HSH2D: variants seen among roughly 807,000 people sequenced by gnomAD.
HSH2D encodes hematopoietic SH2 domain-containing protein.
In HSH2D, 16 loss-of-function variants were observed where a neutral mutation model predicts 21.5. That is an observed-to-expected ratio of 0.74 (90% CI 0.50 to 1.13). The LOEUF (loss-of-function observed/expected upper bound fraction) is 1.13. HSH2D is among the 50% of genes most tolerant of loss of function. HSH2D has a pLI of 0.00. For synonymous variants in HSH2D, 172 were observed against 184.7 expected, an observed-to-expected ratio of 0.93 and a Z score of 0.56; for missense variants, 418 against 441.4, an observed-to-expected ratio of 0.95 and a Z score of 0.47.
chr19:16,135,145 G>A (rs979163320), intron 1 of HSH2D, among the ~76,000 whole-genome samples: 3 of 151,994 alleles, frequency 2.0e-5, no homozygotes, highest in Admixed American at 1.3e-4. Context: ...GGTTGCACGC[G>A]CCTGTAGTCC....
Position 16,148,814 on chromosome 19 carries a change from C to A in HSH2D, c.64C>A (p.Gln22Lys). ...PPRLDWFVHT[Q>K]MGQLAQDGVP... ...ACGGCTGGACTGGTTTGTGCACACC[C>A]AGATGGGCCAGCTGGCCCAAGACGG... The change falls in exon 2 of 6, where the codon CAG becomes AAG. Residue 22 changes from glutamine (Q) to lysine (K), a missense_variant. By Grantham distance (53) the Gln-to-Lys change is moderately conservative. Transcript: ENST00000613986. 1 of 1,613,860 alleles carries A rather than the reference C, an allele frequency of 6.2e-7. No individual in the cohort carries two copies. The highest frequency in any genetic ancestry group is 8.5e-7 in the Non-Finnish European group (1 of 1,179,828).
At chr19:16,152,108 CAAAAAAA>C (rs35744412) in intron 2 of HSH2D, among the ~76,000 whole-genome samples, 44 of 89,156 alleles carry the variant, frequency 4.9e-4, no homozygotes, top group African/African-American at 1.9e-3. Flanking sequence ...TCTGTCTCAA[CAAAAAAA>C]AAAAAAAAAA....
chr19:16,147,483 CAAA>C (rs1033691785), intron 1 of HSH2D, among the ~76,000 whole-genome samples: 8 of 61,620 alleles, frequency 1.3e-4, no homozygotes, highest in Non-Finnish European at 1.8e-4. Flanking sequence ...GACCCTGTCT[CAAA>C]AAAAAAAAAA....
chr19:16,148,200 G>A (rs966926664), intron 1 of HSH2D, among the ~76,000 whole-genome samples: 12 of 152,040 alleles, frequency 7.9e-5, no homozygotes, highest in Admixed American at 4.6e-4. Flanking sequence ...CCAGGCTGGA[G>A]CACAGTGGCA....
At chr19:16,136,355 C>T (rs922625437) in intron 1 of HSH2D, among the ~76,000 whole-genome samples, 1 of 152,072 alleles carries the variant, frequency 6.6e-6, no homozygotes, top group African/African-American at 2.4e-5. Context: ...CCATCCTGTG[C>T]CTGGCTTTCT....
intron 4 of HSH2D, 63 bp downstream of exon 4, chr19:16,153,271 T>C: frequency 7.1e-7 from 1 of 1,408,196 alleles, no homozygotes; most frequent in South Asian, 1.5e-5. Flanking sequence ...CCAGACCCCT[T>C]TGTTTCCCAC....
Position 16,157,624 on chromosome 19 carries a change from G to A in HSH2D, c.889G>A (p.Val297Ile). ...CCCCACCAGGAAGGCCGAGAGGTCGGTCAGCTGCATTGAGGTGACCCCAGG... is the reference window on the plus strand; with the variant it reads ...CCCCACCAGGAAGGCCGAGAGGTCGATCAGCTGCATTGAGGTGACCCCAGG... ...KVPTRKAERS[V>I]SCIEVTPGDR... The change falls in exon 6 of 6, where the codon GTC (valine) becomes ATC (isoleucine). Residue 297 changes from valine (V) to isoleucine (I), a missense_variant. Val to Ile is a conservative substitution (Grantham distance 29). Transcript: ENST00000613986. This position sits in a 1 kb window ranked among gnomAD's most constrained non-coding sequence, Gnocchi z 4.4. 1 of 1,613,876 alleles carries A rather than the reference G, an allele frequency of 6.2e-7. No individual in the cohort carries two copies. The highest frequency in any genetic ancestry group is 1.3e-5 in the African/African-American group (1 of 75,042).
At chr19:16,141,644 G>A (rs61324904), upstream of HSH2D, among the ~76,000 whole-genome samples, 801 of 152,256 alleles carry the variant, frequency 5.3e-3, 4 homozygotes, top group African/African-American at 0.019. Context: ...AGAATTTTAA[G>A]CTGGCACGGC....
chr19:16,134,744 G>A (rs1419847097), intron 1 of HSH2D, among the ~76,000 whole-genome samples: 2 of 151,988 alleles, frequency 1.3e-5, no homozygotes, highest in Admixed American at 1.3e-4. Flanking sequence ...CTTCCTCATG[G>A]GTTTCAGGTC....
intron 5 of HSH2D, among the ~76,000 whole-genome samples, chr19:16,156,216 G>C (rs898886256): frequency 3.9e-5 from 6 of 152,100 alleles, no homozygotes; most frequent in Non-Finnish European, 5.9e-5. Context: ...GCCAGGCATG[G>C]TGGCGCACGC....
At chr19:16,141,016 GAATT>G (rs2090996156), upstream of HSH2D, among the ~76,000 whole-genome samples, 1 of 152,244 alleles carries the variant, frequency 6.6e-6, no homozygotes, top group Non-Finnish European at 1.5e-5. Context: ...GGCCTTGCTT[GAATT>G]AAGTCACAAC....
chr19:16,154,548 G>A, intron 5 of HSH2D, 57 bp downstream of exon 5: 1 of 1,059,872 alleles, frequency 9.4e-7, no homozygotes, highest in South Asian at 1.4e-5. Context: ...AGGAGTGGAG[G>A]TGGTCAACAG....
At position 16,154,390 on chromosome 19, in the gene HSH2D, G is replaced by A. The variant is rs755161694; in HGVS notation, c.382-9G>A. 50 of 1,546,306 alleles carry A rather than the reference G, an allele frequency of 3.2e-5. No individual in the cohort carries two copies. Among genetic ancestry groups the A allele is most frequent in the South Asian group, 7.2e-5 (6 of 83,884 alleles). On this transcript the variant is annotated splice_polypyrimidine_tract_variant and intron_variant, in intron 4 of 5. Coordinates refer to ENST00000613986, the MANE Select transcript of HSH2D (RefSeq NM_001382417.1). ...TAGTGCTGAGCTACAGGCCCCTTCCGCCCTGCAGAAGGATCCCGCAAACGT... is the reference window on the plus strand; with the variant it reads ...TAGTGCTGAGCTACAGGCCCCTTCCACCCTGCAGAAGGATCCCGCAAACGT...
upstream of HSH2D, among the ~76,000 whole-genome samples, chr19:16,141,217 C>T (rs1318862921): frequency 2.0e-5 from 3 of 152,210 alleles, no homozygotes; most frequent in Admixed American, 6.5e-5. Context: ...CAGGGCTCCA[C>T]GTGTCTCCTG....
intron 1 of HSH2D, among the ~76,000 whole-genome samples, chr19:16,135,560 C>A (rs2090957389): frequency 6.6e-6 from 1 of 152,186 alleles, no homozygotes; most frequent in Admixed American, 6.5e-5. Flanking sequence ...TCTCTGGCTG[C>A]CCTTCCTGGC....
At chr19:16,137,895 T>C (rs961780170) in intron 1 of HSH2D, among the ~76,000 whole-genome samples, 1 of 151,510 alleles carries the variant, frequency 6.6e-6, no homozygotes, top group African/African-American at 2.4e-5. Context: ...ATGACCACCA[T>C]TGTTCATCTT....
At chr19:16,153,714 C>T (rs1384526123) in intron 4 of HSH2D, among the ~76,000 whole-genome samples, 2 of 150,722 alleles carry the variant, frequency 1.3e-5, no homozygotes, top group African/African-American at 4.9e-5. Context: ...CCTTAGAAGG[C>T]TCAGTGGGTG....
At chr19:16,136,627 G>A (rs953800681) in intron 1 of HSH2D, among the ~76,000 whole-genome samples, 1 of 152,156 alleles carries the variant, frequency 6.6e-6, no homozygotes, top group Admixed American at 6.6e-5. Context: ...CAGCAGCTGC[G>A]TCAATAGAAA....
chr19:16,135,645 C>T (rs1187611188), intron 1 of HSH2D, among the ~76,000 whole-genome samples: 2 of 152,174 alleles, frequency 1.3e-5, no homozygotes, highest in African/African-American at 4.8e-5. Context: ...AGGGCCTTTG[C>T]ACTTGCCACA....
Sources: allele counts gnomAD v4.1 joint callset (sites outside exome capture counted in the v4.1 genomes callset), GRCh38; gene constraint gnomAD v4.1.1; non-coding constraint Gnocchi (gnomAD v3.1); transcripts MANE v1.5; gene names NCBI Gene and HGNC (gene_info 2026-07-23, HGNC 2026-07-21).